PLA2G4A: variants seen among roughly 807,000 people sequenced by gnomAD.
PLA2G4A encodes cytosolic phospholipase A2.
In PLA2G4A, 40 loss-of-function variants were observed where a neutral mutation model predicts 81.9. That is an observed-to-expected ratio of 0.49 (90% CI 0.38 to 0.64). PLA2G4A has a LOEUF of 0.64. Among genes scored for constraint, PLA2G4A ranks in the 30% least tolerant of loss-of-function variants. The pLI, the probability that PLA2G4A is intolerant of heterozygous loss-of-function variation, is 0.00. For synonymous variants in PLA2G4A, 302 were observed against 296.9 expected (o/e 1.02, Z -0.18); for missense variants, 715 against 905.1 (o/e 0.79, Z 2.69).
At position 186,861,608 on chromosome 1, in the gene PLA2G4A, A is replaced by T. The variant is rs12720501; in HGVS notation, c.33+7221A>T. Reference sequence around the variant, plus strand: ...CTCATTACTTCTTTCACAGTCAGTCAGTAGTGCCTCCAGACAATCCCAAAA... The same window carrying T: ...CTCATTACTTCTTTCACAGTCAGTCTGTAGTGCCTCCAGACAATCCCAAAA... On this transcript the variant is annotated intron_variant, in intron 2 of 17. Transcript: ENST00000367466. Among the ~76,000 whole-genome samples the T allele has an allele frequency of 2.0e-5, 3 of 152,312 alleles. No homozygotes were observed. The South Asian group carries it at 6.2e-4, about 32-fold the overall frequency.
At chr1:186,855,782 G>T (rs999439919) in intron 2 of PLA2G4A, among the ~76,000 whole-genome samples, 1 of 151,926 alleles carries the variant, frequency 6.6e-6, no homozygotes, top group Admixed American at 6.6e-5. Flanking sequence ...TTTTTGAATG[G>T]CAATGGTGAT....
intron 15 of PLA2G4A, among the ~76,000 whole-genome samples, chr1:186,972,560 T>C (rs913549978): frequency 6.6e-6 from 1 of 152,088 alleles, no homozygotes; most frequent in Non-Finnish European, 1.5e-5. Context: ...TTAGGGAGAG[T>C]GATAGATTTT....
chr1:186,968,646 T>G (rs982897269), intron 15 of PLA2G4A, among the ~76,000 whole-genome samples: 7 of 151,938 alleles, frequency 4.6e-5, no homozygotes, highest in Non-Finnish European at 8.8e-5. Context: ...AACAATGCTC[T>G]ATTTTCAACT....
chr1:186,916,686 G>A (rs553223196), intron 7 of PLA2G4A, among the ~76,000 whole-genome samples: 1 of 152,200 alleles, frequency 6.6e-6, no homozygotes, highest in African/African-American at 2.4e-5. Context: ...CACACATCTG[G>A]TCTGTCGTTT....
chr1:186,961,906 T>A (rs1656960101), intron 14 of PLA2G4A, among the ~76,000 whole-genome samples: 1 of 152,160 alleles, frequency 6.6e-6, no homozygotes, highest in South Asian at 2.1e-4. Context: ...AACCACAGTT[T>A]GAAAAAAATA....
Position 186,894,199 on chromosome 1 carries a change from T to C in PLA2G4A, c.366T>C (p.Phe122=). The change falls in exon 5 of 18, where the codon TTT becomes TTC. Residue 122 remains phenylalanine, a synonymous_variant. Coordinates refer to ENST00000367466, the MANE Select transcript of PLA2G4A (RefSeq NM_024420.3). The part of the protein sequence containing the change: ...MKVGEKKEVP[F]IFNQVTEMVL... ...TGGGAGAAAAGAAAGAAGTTCCTTT[T>C]ATTTTCAACCAAGTAAGTAACACTG... 1 of 1,217,956 alleles carries C rather than the reference T, an allele frequency of 8.2e-7. No homozygotes were observed. The highest frequency in any genetic ancestry group is 2.3e-5 in the East Asian group (1 of 43,010). 75.4% of individuals were successfully genotyped at this position (1,217,956 alleles called of 1,614,324 possible). A position where few individuals can be genotyped will look rare whatever the true frequency, so the allele number is the denominator to read the frequency against.
chr1:186,967,112 G>A (rs745537303), intron 15 of PLA2G4A, among the ~76,000 whole-genome samples: 2 of 152,110 alleles, frequency 1.3e-5, no homozygotes, highest in Non-Finnish European at 2.9e-5. Flanking sequence ...CCCAGGTCAG[G>A]TCCTCTGACA....
intron 7 of PLA2G4A, among the ~76,000 whole-genome samples, chr1:186,926,227 G>A (rs992425472): frequency 6.6e-6 from 1 of 152,072 alleles, no homozygotes; most frequent in Non-Finnish European, 1.5e-5. Flanking sequence ...AGTCTTCCTG[G>A]GAAAATATAA....
intron 1 of PLA2G4A, among the ~76,000 whole-genome samples, chr1:186,847,403 A>G (rs1652216848): frequency 6.7e-6 from 1 of 150,370 alleles, no homozygotes; most frequent in South Asian, 2.1e-4. Flanking sequence ...GTTGTTTGCA[A>G]TAATTCTGCC....
At chr1:186,927,466 T>A (rs899280794) in intron 7 of PLA2G4A, among the ~76,000 whole-genome samples, 1 of 152,236 alleles carries the variant, frequency 6.6e-6, no homozygotes, top group African/African-American at 2.4e-5. Context: ...AAATGAAATG[T>A]TACTATCCAG....
At chr1:186,830,945 GCTTGCTTGCTTGCTTTCTTTCTTT>G (rs1165125374) in intron 1 of PLA2G4A, among the ~76,000 whole-genome samples, 1,107 of 40,370 alleles carry the variant, frequency 0.027, 12 homozygotes, top group East Asian at 0.098. Context: ...TAGCTTGCTT[GCTTGCTTGCTTGCTTTCTTTCTTT>G]CTTTCTTTCT....
Position 186,889,752 on chromosome 1 carries a change from C to G in PLA2G4A, c.116-3259C>G, listed in dbSNP as rs1654068459. 9.3e-5 allele frequency among the ~76,000 whole-genome samples: 12 copies of G among 129,288 alleles called. No homozygotes were observed. In the Admixed American group the frequency reaches 1.0e-3, roughly 11 times the overall value. 84.8% of individuals were successfully genotyped at this position (129,288 alleles called of 152,430 possible). On this transcript the variant is annotated intron_variant, in intron 3 of 17. Coordinates refer to ENST00000367466, the MANE Select transcript of PLA2G4A (RefSeq NM_024420.3). Reference sequence around the variant, plus strand: ...ATTTTTGCTTTTCCTTTATTTTCAACTGTTGGATCTTTTTGTTTAGACCTC... The same window carrying G: ...ATTTTTGCTTTTCCTTTATTTTCAAGTGTTGGATCTTTTTGTTTAGACCTC...
Position 186,871,388 on chromosome 1 carries a change from G to A in PLA2G4A, c.115+872G>A, listed in dbSNP as rs149162648. ...ACATCTTAGATTTAATAATGTCTTA[G>A]ATTTAACATCTTAGATTGTTAATAT... On this transcript the variant is annotated intron_variant, in intron 3 of 17. Coordinates refer to ENST00000367466, the MANE Select transcript of PLA2G4A (RefSeq NM_024420.3). Among the ~76,000 whole-genome samples, 13 of 152,188 alleles carry A rather than the reference G, an allele frequency of 8.5e-5. No individual in the cohort carries two copies. In the East Asian group the frequency reaches 2.5e-3, roughly 29 times the overall value.
chr1:186,966,658 T>C (rs1167838255), intron 15 of PLA2G4A, among the ~76,000 whole-genome samples: 2 of 152,134 alleles, frequency 1.3e-5, no homozygotes, highest in African/African-American at 4.8e-5. Context: ...GGCTGCACTT[T>C]GGCCTCACCC....
intron 5 of PLA2G4A, among the ~76,000 whole-genome samples, chr1:186,895,545 G>T (rs1005146029): frequency 1.3e-5 from 2 of 152,218 alleles, no homozygotes; most frequent in African/African-American, 4.8e-5. Context: ...GGTACAGGAA[G>T]TTCTTCCCTC....
intron 17 of PLA2G4A, among the ~76,000 whole-genome samples, chr1:186,987,661 C>T (rs1417721598): frequency 6.6e-6 from 1 of 152,206 alleles, no homozygotes; most frequent in Non-Finnish European, 1.5e-5. Flanking sequence ...ATGTTCTCTT[C>T]TTTCCCCAAA....
At chr1:186,891,671 G>A (rs750922102) in intron 3 of PLA2G4A, among the ~76,000 whole-genome samples, 5 of 152,162 alleles carry the variant, frequency 3.3e-5, no homozygotes, top group Non-Finnish European at 5.9e-5. Context: ...TTGTGTATAT[G>A]TAACACATTT....
intron 1 of PLA2G4A, among the ~76,000 whole-genome samples, chr1:186,848,391 T>C (rs779759123): frequency 2.0e-5 from 3 of 152,092 alleles, no homozygotes; most frequent in African/African-American, 7.2e-5. Flanking sequence ...GGTTTGACCA[T>C]AGGCAGGGGA....
chr1:186,949,271 G>A (rs1656448743), intron 12 of PLA2G4A, among the ~76,000 whole-genome samples: 1 of 134,372 alleles, frequency 7.4e-6, no homozygotes, highest in African/African-American at 2.8e-5. Flanking sequence ...AAGAAAGAAA[G>A]AAGAAAGAAA....
Sources: allele counts gnomAD v4.1 joint callset (sites outside exome capture counted in the v4.1 genomes callset), GRCh38; gene constraint gnomAD v4.1.1; transcripts MANE v1.5; gene names NCBI Gene and HGNC (gene_info 2026-07-23, HGNC 2026-07-21).